Variants in TBC1D12 observed in about 807,000 individuals in gnomAD.
The protein encoded by TBC1D12 is TBC1 domain family member 12.
In TBC1D12, 56 loss-of-function variants were observed where a neutral mutation model predicts 86.7. The observed-to-expected ratio is 0.65, with a 90% CI of 0.52 to 0.81. The LOEUF (loss-of-function observed/expected upper bound fraction) is 0.81, where lower values mean the gene tolerates loss of function less well. Among genes scored for constraint, TBC1D12 ranks in the 30% least tolerant of loss-of-function variants. The probability of loss-of-function intolerance (pLI) is 0.00; values close to 1 mark genes in which losing one functional copy is unlikely to be tolerated. For missense variants in TBC1D12, 1,023 were observed against 1,038.8 expected (o/e 0.98, Z 0.21); for synonymous variants, 421 against 411.7 (o/e 1.02, Z -0.27).
At chr10:94,463,071 AGTGTTT>A (rs2055753496) in intron 2 of TBC1D12, among the ~76,000 whole-genome samples, 1 of 152,178 alleles carries the variant, frequency 6.6e-6, no homozygotes, top group Admixed American at 6.5e-5. Context: ...CATAAATTTC[AGTGTTT>A]TCATTTTCAA....
intron 1 of TBC1D12, among the ~76,000 whole-genome samples, chr10:94,418,906 G>A (rs866454825): frequency 3.4e-5 from 5 of 145,424 alleles, no homozygotes; most frequent in Non-Finnish European, 7.5e-5. Flanking sequence ...GCAGAGTCTC[G>A]CTCTGTTGCC....
chr10:94,489,131 C>A (rs2056211961), intron 3 of TBC1D12, among the ~76,000 whole-genome samples: 1 of 152,150 alleles, frequency 6.6e-6, no homozygotes, highest in Non-Finnish European at 1.5e-5. Context: ...CACTTAGGAT[C>A]CCAGAGCACT....
In TBC1D12 at chr10:94,402,758, C is replaced by T. The variant is rs774515077; in HGVS notation, c.145C>T (p.Pro49Ser). Residue 49 changes from proline (P) to serine (S), a missense_variant, in exon 1 of 13, where the codon CCG becomes TCG. This residue lies in a region of TBC1D12 where 628 missense variants were observed against 531.1 expected (regional missense o/e 1.18). Transcript: ENST00000225235. ...CGGAGGCGTCGGCGCTGTGGAGCCG[C>T]CGGAGGAGGCTGACGAGGAGGAGGA... ...FGGGVGAVEPPEEADEEEEAD... is the reference protein window; with the variant it reads ...FGGGVGAVEPSEEADEEEEAD... 1 of 1,546,280 alleles carries T rather than the reference C, an allele frequency of 6.5e-7. No homozygotes were observed. The highest frequency in any genetic ancestry group is 8.7e-7 in the Non-Finnish European group (1 of 1,144,364).
chr10:94,488,386 CTTTTTTT>C (rs770258959), intron 3 of TBC1D12, among the ~76,000 whole-genome samples: 1 of 74,810 alleles, frequency 1.3e-5, no homozygotes, highest in East Asian at 5.2e-4. Flanking sequence ...CCCAAGGGGT[CTTTTTTT>C]TTTTTTTTTT....
At chr10:94,408,392 C>A (rs1319247753) in intron 1 of TBC1D12, among the ~76,000 whole-genome samples, 1 of 151,980 alleles carries the variant, frequency 6.6e-6, no homozygotes, top group East Asian at 1.9e-4. Context: ...TCACAGAGCT[C>A]TTTTTACAAT....
chr10:94,523,217 A>G (rs866976844), intron 11 of TBC1D12, among the ~76,000 whole-genome samples: 1 of 149,148 alleles, frequency 6.7e-6, no homozygotes, highest in Non-Finnish European at 1.5e-5. Context: ...AAAAAAAAAA[A>G]GAGCATAGAC....
chr10:94,486,064 G>A (rs1433656902), intron 3 of TBC1D12, among the ~76,000 whole-genome samples: 4 of 137,736 alleles, frequency 2.9e-5, no homozygotes, highest in Non-Finnish European at 6.4e-5. Context: ...CCAACTTTTT[G>A]TTTTGTTGAT....
rs1173398219 is a variant in TBC1D12, at chr10:94,522,022, C to T, written c.1829C>T (p.Ala610Val). 1 of 1,612,834 alleles carries T rather than the reference C, an allele frequency of 6.2e-7. No homozygotes were observed. The highest frequency in any genetic ancestry group is 2.2e-5 in the East Asian group (1 of 44,818). Residue 610 changes from alanine to valine, a missense_variant, in exon 10 of 13, where the codon GCA (alanine) becomes GTA (valine). By Grantham distance (64) the Ala-to-Val change is moderately conservative. Transcript: ENST00000225235. ...TTGGAAGAGGCAGATGCCTTTATCGCATTTGCCAATCTCCTGAATAAGCCA... is the reference window on the plus strand; with the variant it reads ...TTGGAAGAGGCAGATGCCTTTATCGTATTTGCCAATCTCCTGAATAAGCCA... ...LNLEEADAFIAFANLLNKPCQ... is the reference protein window; with the variant it reads ...LNLEEADAFIVFANLLNKPCQ...
rs1359664285 is a variant in TBC1D12 at position 94,403,304 on chromosome 10, G to A, written c.691G>A (p.Glu231Lys). ...CCCCGCCAGCAGCTGCAGCAGTAGC[G>A]AGGACTCAGAGCAGCGGGGAGTCGG... is the stretch of plus-strand genomic sequence containing the variant. The part of the protein sequence containing the change: ...DSPASSCSSS[E>K]DSEQRGVGAG... The change falls in exon 1 of 13, where the codon GAG becomes AAG. Residue 231 changes from glutamate (E) to lysine (K), a missense_variant. Physicochemically the swap from Glu to Lys is moderately conservative, Grantham distance 56. This residue lies in a region of TBC1D12 where 628 missense variants were observed against 531.1 expected (regional missense o/e 1.18). Coordinates refer to ENST00000225235, the MANE Select transcript of TBC1D12 (RefSeq NM_015188.2). 1 of 1,511,352 alleles carries A rather than the reference G, an allele frequency of 6.6e-7. No individual in the cohort carries two copies. The highest frequency in any genetic ancestry group is 1.3e-5 in the South Asian group (1 of 78,970). 93.6% of individuals were successfully genotyped at this position (1,511,352 alleles called of 1,614,324 possible).
rs1453196026 is a variant in TBC1D12, at chr10:94,402,886, C to T, written c.273C>T (p.Pro91=). ...LEPGLCYCPL[P]AGQAGAPPPS... ...CGGGGCTCTGCTACTGTCCGCTCCC[C>T]GCTGGCCAGGCCGGCGCCCCGCCGC... The change falls in exon 1 of 13, where the codon CCC becomes CCT. Residue 91 remains proline, a synonymous_variant. Transcript: ENST00000225235. The T allele has an allele frequency of 6.7e-7, 1 of 1,495,220 alleles. No homozygotes were observed. Among genetic ancestry groups the T allele is most frequent in the East Asian group, 2.7e-5 (1 of 37,608 alleles). The allele number at this position is 1,495,220 out of a possible 1,614,324, so 92.6% of individuals were successfully genotyped here.
intron 9 of TBC1D12, among the ~76,000 whole-genome samples, chr10:94,518,678 C>G (rs1428141124): frequency 2.6e-5 from 4 of 152,178 alleles, no homozygotes; most frequent in African/African-American, 9.6e-5. Flanking sequence ...GAATTGGACT[C>G]TGAAGAAATT....
At chr10:94,466,864 A>G (rs955033159) in intron 2 of TBC1D12, among the ~76,000 whole-genome samples, 2 of 152,114 alleles carry the variant, frequency 1.3e-5, no homozygotes, top group African/African-American at 4.8e-5. Flanking sequence ...GGAATATCAC[A>G]TTATATTTTG....
At chr10:94,416,259 A>G (rs1019686937) in intron 1 of TBC1D12, among the ~76,000 whole-genome samples, 1 of 152,260 alleles carries the variant, frequency 6.6e-6, no homozygotes, top group Non-Finnish European at 1.5e-5. Context: ...AGCAACTACC[A>G]TACAGCTAAG....
intron 2 of TBC1D12, among the ~76,000 whole-genome samples, chr10:94,448,985 A>G (rs2055510945): frequency 6.6e-6 from 1 of 152,206 alleles, no homozygotes; most frequent in African/African-American, 2.4e-5. Flanking sequence ...TTGGAGAGGT[A>G]CTAGTAATAT....
intron 1 of TBC1D12, among the ~76,000 whole-genome samples, chr10:94,427,300 T>C (rs2134069907): frequency 6.6e-6 from 1 of 152,304 alleles, no homozygotes; most frequent in African/African-American, 2.4e-5. Flanking sequence ...TTATTACCGC[T>C]TGTGTGCTTA....
At chr10:94,408,017 T>C (rs924525564) in intron 1 of TBC1D12, among the ~76,000 whole-genome samples, 4 of 152,228 alleles carry the variant, frequency 2.6e-5, no homozygotes, top group African/African-American at 9.6e-5. Context: ...AATTCATGTC[T>C]TGTTTTCTAA....
chr10:94,429,535 A>G (rs1256934152), intron 1 of TBC1D12, among the ~76,000 whole-genome samples: 1 of 152,166 alleles, frequency 6.6e-6, no homozygotes, highest in African/African-American at 2.4e-5. Context: ...GAGTTTAGAG[A>G]CAGTAGTTAT....
At chr10:94,422,184 A>AG (rs1388424819) in intron 1 of TBC1D12, among the ~76,000 whole-genome samples, 1 of 129,578 alleles carries the variant, frequency 7.7e-6, no homozygotes, top group African/African-American at 2.9e-5. Flanking sequence ...GGGTTCATGT[A>AG]GTTTTTTTTT....
intron 7 of TBC1D12, among the ~76,000 whole-genome samples, 167 bp downstream of exon 7, chr10:94,507,514 A>G (rs892435252): frequency 1.1e-4 from 16 of 152,204 alleles, no homozygotes; most frequent in African/African-American, 3.9e-4. Context: ...TCATGTAAGT[A>G]TCATCCTAAG....
Sources: allele counts gnomAD v4.1 joint callset (sites outside exome capture counted in the v4.1 genomes callset), GRCh38; gene constraint gnomAD v4.1.1; regional missense constraint gnomAD v4.1.1; transcripts MANE v1.5; gene names NCBI Gene and HGNC (gene_info 2026-07-23, HGNC 2026-07-21).